ITGB8: variants seen among roughly 807,000 people sequenced by gnomAD.
The protein encoded by ITGB8 is integrin beta-8.
ITGB8 carries 30 observed loss-of-function variants against 89.5 expected under a neutral mutation model. That is an observed-to-expected ratio of 0.34 (90% CI 0.25 to 0.45). The LOEUF is 0.45. Among genes scored for constraint, ITGB8 ranks in the 20% least tolerant of loss-of-function variants. The pLI, the probability that ITGB8 is intolerant of heterozygous loss-of-function variation, is 1.00. For missense variants in ITGB8, 836 were observed against 933.3 expected (o/e 0.90, Z 1.36); for synonymous variants, 335 against 320.4 (o/e 1.05, Z -0.49).
intron 6 of ITGB8, among the ~76,000 whole-genome samples, chr7:20,386,405 ATTTT>A (rs759304002): frequency 7.5e-5 from 6 of 80,356 alleles, no homozygotes; most frequent in South Asian, 5.2e-4. Flanking sequence ...CACCTGGCTA[ATTTT>A]TTTTTTTTTT....
intron 1 of ITGB8, among the ~76,000 whole-genome samples, chr7:20,343,782 G>C (rs1174441169): frequency 6.6e-6 from 1 of 152,146 alleles, no homozygotes; most frequent in Non-Finnish European, 1.5e-5. Flanking sequence ...AGTTATAGGA[G>C]AATCCTGGTC....
chr7:20,356,069 C>T (rs1323236641), intron 1 of ITGB8, among the ~76,000 whole-genome samples: 4 of 152,194 alleles, frequency 2.6e-5, no homozygotes. Context: ...CTCAGATCCA[C>T]CTTTTTCAGA....
At position 20,412,743 on chromosome 7, in the gene ITGB8, A is replaced by T. The variant is rs2127990531; in HGVS notation, c.*2746A>T. 6.5e-6 allele frequency: 1 copy of T among 152,740 alleles called. No individual in the cohort carries two copies. Among genetic ancestry groups the T allele is most frequent in the Non-Finnish European group, 1.5e-5 (1 of 68,010 alleles). The allele number at this position is 152,740 out of a possible 1,614,324, so 9.5% of individuals were successfully genotyped here. A position where few individuals can be genotyped will look rare whatever the true frequency, so the allele number is the denominator to read the frequency against. Reference sequence around the variant, plus strand: ...ATTGTAGGGCTTGTATTTTACTTGAATAATTGATATCTTCCTGTGTAATGA... The same window carrying T: ...ATTGTAGGGCTTGTATTTTACTTGATTAATTGATATCTTCCTGTGTAATGA... On this transcript the variant is annotated 3_prime_UTR_variant, in exon 14 of 14. Coordinates refer to ENST00000222573, the MANE Select transcript of ITGB8 (RefSeq NM_002214.3).
intron 1 of ITGB8, among the ~76,000 whole-genome samples, chr7:20,344,999 A>G (rs183883702): frequency 1.3e-5 from 2 of 152,340 alleles, no homozygotes; most frequent in East Asian, 1.9e-4. Context: ...CAGAATGTAT[A>G]GCACACCAGA....
intron 1 of ITGB8, among the ~76,000 whole-genome samples, chr7:20,357,092 T>C (rs757391107): frequency 6.6e-6 from 1 of 152,176 alleles, no homozygotes; most frequent in Non-Finnish European, 1.5e-5. Context: ...TCATTTCACA[T>C]ATGTCATAAC....
intron 1 of ITGB8, among the ~76,000 whole-genome samples, chr7:20,353,944 A>AAAG (rs1263971095): frequency 6.6e-6 from 1 of 150,684 alleles, no homozygotes; most frequent in Admixed American, 6.6e-5. Flanking sequence ...AAAAAAAAAA[A>AAAG]AAAAAAAAAA....
chr7:20,335,100 A>G (rs575231765), intron 1 of ITGB8, among the ~76,000 whole-genome samples: 1 of 152,300 alleles, frequency 6.6e-6, no homozygotes, highest in African/African-American at 2.4e-5. Flanking sequence ...CCCTTCTCCC[A>G]ACTAAATATT....
At position 20,331,733 on chromosome 7, in the gene ITGB8, G is replaced by A. The variant is rs1273621905; in HGVS notation, c.-74G>A. The A allele has an allele frequency of 6.7e-6, 10 of 1,498,680 alleles. No individual in the cohort carries two copies. The highest frequency in any genetic ancestry group is 1.3e-5 in the South Asian group (1 of 76,906). 92.8% of individuals were successfully genotyped at this position (1,498,680 alleles called of 1,614,324 possible). On this transcript the variant is annotated 5_prime_UTR_variant, in exon 1 of 14. Transcript: ENST00000222573. ...GCGACACTCGGCCCGCGGGCCCCGA[G>A]GTGCGCCCGGGAGGCGCGAGCCCGC...
rs1784397804 is a variant in ITGB8 at position 20,331,627 on chromosome 7, G to A, written c.-180G>A. 2 of 626,984 alleles carry A rather than the reference G, an allele frequency of 3.2e-6. No individual in the cohort carries two copies. Among genetic ancestry groups the A allele is most frequent in the Non-Finnish European group, 2.4e-6 (1 of 409,424 alleles). The allele number at this position is 626,984 out of a possible 1,614,324, so 38.8% of individuals were successfully genotyped here. A position where few individuals can be genotyped will look rare whatever the true frequency, so the allele number is the denominator to read the frequency against. ...AGGGCCGCAGGGGCCCTGAGATGCC[G>A]AGCGGTGCCCGGGCCCGCTTACCTG... On this transcript the variant is annotated 5_prime_UTR_variant, in exon 1 of 14. Coordinates refer to ENST00000222573, the MANE Select transcript of ITGB8 (RefSeq NM_002214.3).
chr7:20,339,139 C>A (rs1045337998), intron 1 of ITGB8, among the ~76,000 whole-genome samples: 1 of 148,946 alleles, frequency 6.7e-6, no homozygotes. Context: ...TTGCAGTGAG[C>A]CGAGATCGTG....
At chr7:20,406,218 G>A (rs780170664) in intron 12 of ITGB8, 47 bp downstream of exon 12, 1 of 1,163,300 alleles carries the variant, frequency 8.6e-7, no homozygotes, top group East Asian at 2.3e-5. Flanking sequence ...GTCTGTAGAG[G>A]ATGATGTTCC....
At chr7:20,384,484 C>T (rs192128667) in intron 6 of ITGB8, among the ~76,000 whole-genome samples, 8 of 152,318 alleles carry the variant, frequency 5.3e-5, no homozygotes, top group African/African-American at 1.7e-4. Context: ...CTGTAGCAAT[C>T]ACTCTGCATA....
In ITGB8 at chr7:20,331,696, G is replaced by C. The variant is rs889595853; in HGVS notation, c.-111G>C. On this transcript the variant is annotated 5_prime_UTR_variant, in exon 1 of 14. Transcript: ENST00000222573. ...GCGGGGTCCGCCTGCTAGGCCTGCG[G>C]AAAACGTCCTAGCGACACTCGGCCC... 15 of 1,329,468 alleles carry C rather than the reference G, an allele frequency of 1.1e-5. No individual in the cohort carries two copies. The Admixed American group carries it at 1.9e-4, about 17-fold the overall frequency. 82.4% of individuals were successfully genotyped at this position (1,329,468 alleles called of 1,614,324 possible). A position where few individuals can be genotyped will look rare whatever the true frequency, so the allele number is the denominator to read the frequency against.
At chr7:20,358,634 C>T (rs1785384335) in intron 1 of ITGB8, among the ~76,000 whole-genome samples, 2 of 152,112 alleles carry the variant, frequency 1.3e-5, no homozygotes, top group Admixed American at 6.5e-5. Context: ...AACTCCTGAA[C>T]TCAGGTGATC....
chr7:20,373,120 T>G (rs1164271869), intron 3 of ITGB8, among the ~76,000 whole-genome samples: 1 of 152,216 alleles, frequency 6.6e-6, no homozygotes, highest in Non-Finnish European at 1.5e-5. Context: ...ACTTCCAATG[T>G]AGCATCTGTT....
intron 1 of ITGB8, 47 bp from the exon 2 acceptor site, chr7:20,363,590 C>A: frequency 8.7e-7 from 1 of 1,144,250 alleles, no homozygotes; most frequent in Non-Finnish European, 1.3e-6. Context: ...ATTATATACG[C>A]TTTCTATTTT....
At chr7:20,347,742 G>A (rs1045346767) in intron 1 of ITGB8, among the ~76,000 whole-genome samples, 6 of 152,214 alleles carry the variant, frequency 3.9e-5, no homozygotes, top group Admixed American at 2.6e-4. Flanking sequence ...AGAAGCTTGG[G>A]TGAGAGTTTG....
chr7:20,376,313 A>G (rs1786142462), intron 3 of ITGB8, among the ~76,000 whole-genome samples: 1 of 152,172 alleles, frequency 6.6e-6, no homozygotes, highest in South Asian at 2.1e-4. Flanking sequence ...TACTTCATTA[A>G]TTAAATCATT....
At chr7:20,355,356 C>T (rs114818893) in intron 1 of ITGB8, among the ~76,000 whole-genome samples, 235 of 152,320 alleles carry the variant, frequency 1.5e-3, no homozygotes, top group African/African-American at 5.4e-3. Context: ...CCCAGTAAAT[C>T]ACTTGCTAAC....
Sources: allele counts gnomAD v4.1 joint callset (sites outside exome capture counted in the v4.1 genomes callset), GRCh38; gene constraint gnomAD v4.1.1; transcripts MANE v1.5; gene names NCBI Gene and HGNC (gene_info 2026-07-23, HGNC 2026-07-21).